The following PABPC4L variants were observed in gnomAD, a reference collection of about 807,000 sequenced individuals.
The protein encoded by PABPC4L is polyadenylate-binding protein 4-like.
For missense variants in PABPC4L, 452 were observed against 451.4 expected (o/e 1.00, Z -0.01); for synonymous variants, 169 against 164.1 (o/e 1.03, Z -0.23).
chr4:134,136,907 TTAGTTTGAGGCTA>T, the PABPC4L span, among the ~76,000 whole-genome samples: 14 of 152,040 alleles, frequency 9.2e-5, 1 homozygote, highest in African/African-American at 3.1e-4. Context: ...TGAGCTATAG[TTAGTTTGAGGCTA>T]AGTATCCCTT....
chr4:134,101,700 CA>C, the PABPC4L span, among the ~76,000 whole-genome samples: 1 of 151,444 alleles, frequency 6.6e-6, no homozygotes. Context: ...TCTTTCGTGA[CA>C]CCTTTCAGTC....
At chr4:133,987,623 A>C in the PABPC4L span, among the ~76,000 whole-genome samples, 1 of 152,214 alleles carries the variant, frequency 6.6e-6, no homozygotes, top group Non-Finnish European at 1.5e-5. Flanking sequence ...CTAAATTTAT[A>C]AAATTTGAAA....
downstream of PABPC4L, among the ~76,000 whole-genome samples, chr4:134,194,910 G>A (rs928372743): frequency 1.3e-5 from 2 of 151,702 alleles, no homozygotes; most frequent in Non-Finnish European, 3.0e-5. Flanking sequence ...AGTAATGGAA[G>A]GCCATGAAAG....
chr4:134,034,108 T>G, the PABPC4L span, among the ~76,000 whole-genome samples: 2 of 151,922 alleles, frequency 1.3e-5, no homozygotes, highest in African/African-American at 4.8e-5. Context: ...CTGAAGTCAG[T>G]GTTTATTTAC....
chr4:134,004,955 A>G, the PABPC4L span, among the ~76,000 whole-genome samples: 1 of 151,872 alleles, frequency 6.6e-6, no homozygotes, highest in Non-Finnish European at 1.5e-5. Context: ...TCAAGGCGGC[A>G]GTGAGACGGG....
the PABPC4L span, among the ~76,000 whole-genome samples, chr4:133,949,626 C>T: frequency 6.6e-6 from 1 of 152,072 alleles, no homozygotes; most frequent in Admixed American, 6.6e-5. Context: ...ATAATGAGTA[C>T]ACCCTCATTC....
the PABPC4L span, among the ~76,000 whole-genome samples, chr4:134,001,780 G>A: frequency 2.0e-5 from 3 of 151,942 alleles, no homozygotes; most frequent in African/African-American, 7.2e-5. Context: ...TCCTTATATA[G>A]TAAAAAGACA....
the PABPC4L span, among the ~76,000 whole-genome samples, chr4:134,049,665 T>C: frequency 2.0e-5 from 3 of 152,196 alleles, no homozygotes; most frequent in African/African-American, 7.2e-5. Context: ...TGTTACCAGT[T>C]ATGGAAACAT....
chr4:133,960,062 C>T, the PABPC4L span, among the ~76,000 whole-genome samples: 15 of 152,040 alleles, frequency 9.9e-5, no homozygotes, highest in East Asian at 5.8e-4. Flanking sequence ...TCATTGAGGA[C>T]GGGAGGCAGA....
the PABPC4L span, among the ~76,000 whole-genome samples, chr4:134,169,004 G>T: frequency 6.6e-6 from 1 of 151,986 alleles, no homozygotes; most frequent in Non-Finnish European, 1.5e-5. Flanking sequence ...ACAAACTGTT[G>T]TTGGTTTGGT....
chr4:134,027,713 G>A, the PABPC4L span, among the ~76,000 whole-genome samples: 1 of 152,046 alleles, frequency 6.6e-6, no homozygotes, highest in African/African-American at 2.4e-5. Flanking sequence ...TTAATAGTTT[G>A]ATTTAATTAT....
chr4:134,174,901 G>A, the PABPC4L span, among the ~76,000 whole-genome samples: 4 of 152,020 alleles, frequency 2.6e-5, no homozygotes, highest in African/African-American at 9.6e-5. Context: ...TAAATCTTTA[G>A]CGGGTTTTGA....
chr4:134,178,512 C>T, the PABPC4L span, among the ~76,000 whole-genome samples: 1 of 151,752 alleles, frequency 6.6e-6, no homozygotes, highest in Admixed American at 6.6e-5. Context: ...AATGATTGCA[C>T]TCGTTCACCA....
chr4:134,018,033 C>G, the PABPC4L span, among the ~76,000 whole-genome samples: 2 of 152,106 alleles, frequency 1.3e-5, 1 homozygote, highest in Non-Finnish European at 2.9e-5. Context: ...ACGTACACAT[C>G]CAGATGGCCG....
the PABPC4L span, among the ~76,000 whole-genome samples, chr4:134,114,529 G>T: frequency 2.0e-4 from 30 of 151,918 alleles, no homozygotes; most frequent in Middle Eastern, 3.4e-3. Context: ...CTCAACCAAT[G>T]AGGAACTGGG....
At chr4:133,972,430 C>G in the PABPC4L span, among the ~76,000 whole-genome samples, 1 of 152,114 alleles carries the variant, frequency 6.6e-6, no homozygotes, top group African/African-American at 2.4e-5. Flanking sequence ...TTTTCACACT[C>G]CAAGACTGAA....
chr4:134,190,774 C>T, the PABPC4L span, among the ~76,000 whole-genome samples: 12 of 152,134 alleles, frequency 7.9e-5, no homozygotes, highest in Non-Finnish European at 1.6e-4. Context: ...GCCTCAGCCT[C>T]CCCAGTAGCT....
the PABPC4L span, among the ~76,000 whole-genome samples, chr4:134,068,212 T>G: frequency 6.6e-6 from 1 of 152,198 alleles, no homozygotes; most frequent in Non-Finnish European, 1.5e-5. Flanking sequence ...TCCTATATGC[T>G]GGGTGCATAT....
the PABPC4L span, among the ~76,000 whole-genome samples, chr4:133,949,234 C>T: frequency 6.6e-6 from 1 of 152,172 alleles, no homozygotes; most frequent in Non-Finnish European, 1.5e-5. Context: ...GGGCTTTCCC[C>T]AATAGCAGCC....
Sources: allele counts gnomAD v4.1 joint callset (sites outside exome capture counted in the v4.1 genomes callset), GRCh38; gene constraint gnomAD v4.1.1; transcripts MANE v1.5; gene names NCBI Gene and HGNC (gene_info 2026-07-23, HGNC 2026-07-21).